The following EFCAB6 variants were observed in gnomAD, a reference collection of about 807,000 sequenced individuals.
EFCAB6 encodes the protein EF-hand calcium-binding domain-containing protein 6.
A neutral mutation model predicts 169.8 loss-of-function variants in EFCAB6; 156 were observed. That is an observed-to-expected ratio of 0.92 (90% CI 0.81 to 1.05). The LOEUF (loss-of-function observed/expected upper bound fraction) is 1.05, where lower values mean the gene tolerates loss of function less well. Ranked by LOEUF, EFCAB6 falls within the 50% of genes least tolerant of loss-of-function variation. The pLI, the probability that EFCAB6 is intolerant of heterozygous loss-of-function variation, is 0.00. For missense variants in EFCAB6, 1,800 were observed against 1,829.1 expected (o/e 0.98, Z 0.29); for synonymous variants, 698 against 676.4 (o/e 1.03, Z -0.50).
rs2047283418 is a variant in EFCAB6 at position 43,534,698 on chromosome 22, G to A, written c.4223C>T (p.Ala1408Val). The change falls in exon 30 of 32, where the codon GCA (alanine) becomes GTA (valine). Residue 1408 changes from alanine (A) to valine (V), a missense_variant. Physicochemically the swap from Ala to Val is moderately conservative, Grantham distance 64 (BLOSUM62 0). Transcript: ENST00000262726. ...AGGTGGGCAACATACCATCTTGTGT[G>A]CATTCTGGATCTTCATCCTGTGCAT... ...SLMHRMKIQNAHKMKEAGAET... is the reference protein window; with the variant it reads ...SLMHRMKIQNVHKMKEAGAET... 2 of 1,605,450 alleles carry A rather than the reference G, an allele frequency of 1.2e-6. No individual in the cohort carries two copies. Among genetic ancestry groups the A allele is most frequent in the Non-Finnish European group, 1.7e-6 (2 of 1,176,830 alleles).
In EFCAB6 at chr22:43,626,744, C is replaced by T; in HGVS notation, c.2233-65G>A. 4.7e-6 allele frequency: 7 copies of T among 1,490,522 alleles called. No individual in the cohort carries two copies. In the South Asian group the frequency reaches 6.8e-5, roughly 15 times the overall value. The allele number at this position is 1,490,522 out of a possible 1,614,324, so 92.3% of individuals were successfully genotyped here. A position where few individuals can be genotyped will look rare whatever the true frequency, so the allele number is the denominator to read the frequency against. On this transcript the variant is annotated intron_variant, in intron 19 of 31. Transcript: ENST00000262726. ...GCCCCGGACGGCCACACATGCACAC[C>T]CCCACGTGTAGAGCCTCATCTCCAC...
chr22:43,698,353 C>A (rs995503414), intron 10 of EFCAB6, among the ~76,000 whole-genome samples: 5 of 152,148 alleles, frequency 3.3e-5, no homozygotes, highest in Admixed American at 2.6e-4. Flanking sequence ...GATTTGTGTA[C>A]ATACACATCC....
chr22:43,633,555 A>G (rs913882892), intron 18 of EFCAB6, among the ~76,000 whole-genome samples: 3 of 152,204 alleles, frequency 2.0e-5, no homozygotes, highest in Admixed American at 2.0e-4. Flanking sequence ...TCAAAAATCA[A>G]AAACAGGAAC....
At position 43,632,212 on chromosome 22, in the gene EFCAB6, T is replaced by C; in HGVS notation, c.2125A>G (p.Thr709Ala). The C allele has an allele frequency of 6.2e-7, 1 of 1,613,276 alleles. No individual in the cohort carries two copies. The highest frequency in any genetic ancestry group is 8.5e-7 in the Non-Finnish European group (1 of 1,179,830). The change falls in exon 19 of 32, where the codon ACT becomes GCT. Residue 709 changes from threonine (T) to alanine (A), a missense_variant. Thr to Ala is a moderately conservative substitution (Grantham distance 58, BLOSUM62 0). Transcript: ENST00000262726. ...GAAGGAGTTGGAGGCTGCGGCGGAG[T>C]GGTTTCCGGCCCTCTCATTGGAGGA... is the stretch of plus-strand genomic sequence containing the variant. ...EDPPMRGPET[T>A]PPQPPTPSKS...
At chr22:43,531,630 A>G (rs1033448852) in intron 30 of EFCAB6, among the ~76,000 whole-genome samples, 3 of 152,224 alleles carry the variant, frequency 2.0e-5, no homozygotes, top group African/African-American at 4.8e-5. Context: ...GAATTTTAAC[A>G]TAACACTATG....
At chr22:43,765,706 T>C (rs376396380) in intron 4 of EFCAB6, among the ~76,000 whole-genome samples, 1 of 152,192 alleles carries the variant, frequency 6.6e-6, no homozygotes, top group South Asian at 2.1e-4. Context: ...CTCTAATATG[T>C]GTTACACATA....
At chr22:43,712,300 C>A (rs2059188808) in intron 9 of EFCAB6, among the ~76,000 whole-genome samples, 1 of 150,318 alleles carries the variant, frequency 6.7e-6, no homozygotes. Context: ...TAACAATATT[C>A]TCCAATATCT....
At chr22:43,778,796 C>T (rs764472908) in intron 3 of EFCAB6, among the ~76,000 whole-genome samples, 3 of 152,176 alleles carry the variant, frequency 2.0e-5, no homozygotes, top group East Asian at 1.9e-4. Context: ...GCTCACCTCG[C>T]TAGAAACCTG....
rs571507101 is a variant in EFCAB6, at chr22:43,568,007, C to T, written c.3420+8290G>A. Among the ~76,000 whole-genome samples, 4 of 152,336 alleles carry T rather than the reference C, an allele frequency of 2.6e-5. No homozygotes were observed. In the East Asian group the frequency reaches 7.7e-4, roughly 29 times the overall value. ...CCCAACTCAGCAACACTGACCAGGG[C>T]CCATGATGTGCCAGGCACACTCACA... On this transcript the variant is annotated intron_variant, in intron 26 of 31. Transcript: ENST00000262726.
At chr22:43,734,929 A>G (rs1055847026) in intron 7 of EFCAB6, among the ~76,000 whole-genome samples, 1 of 152,140 alleles carries the variant, frequency 6.6e-6, no homozygotes, top group Non-Finnish European at 1.5e-5. Context: ...ACCGGGACCC[A>G]TTTTCATAGC....
At chr22:43,626,266 G>A (rs1168077367) in intron 20 of EFCAB6, among the ~76,000 whole-genome samples, 181 bp downstream of exon 20, 1 of 152,134 alleles carries the variant, frequency 6.6e-6, no homozygotes, top group Non-Finnish European at 1.5e-5. Context: ...GACCAGGGCT[G>A]TATTTTCTGG....
intron 8 of EFCAB6, among the ~76,000 whole-genome samples, chr22:43,729,452 C>T (rs1418265279): frequency 6.6e-6 from 1 of 151,976 alleles, no homozygotes; most frequent in Admixed American, 6.6e-5. Context: ...AACCATATCA[C>T]CCTAGAACAA....
chr22:43,667,008 C>T (rs1033823593), intron 17 of EFCAB6, 96 bp downstream of exon 17: 18 of 1,367,756 alleles, frequency 1.3e-5, no homozygotes, highest in African/African-American at 8.7e-5. Context: ...GGATCTGCTG[C>T]GTCCTGGGAT....
chr22:43,607,914 A>G (rs1398978182), intron 22 of EFCAB6, among the ~76,000 whole-genome samples: 1 of 152,222 alleles, frequency 6.6e-6, no homozygotes, highest in Non-Finnish European at 1.5e-5. Flanking sequence ...GCCCAATTCC[A>G]AAACAGCTAA....
At chr22:43,662,089 C>G (rs1397388514) in intron 17 of EFCAB6, among the ~76,000 whole-genome samples, 2 of 151,432 alleles carry the variant, frequency 1.3e-5, no homozygotes, top group South Asian at 4.2e-4. Flanking sequence ...ACCCAGGAGG[C>G]AGAGGTTGCA....
chr22:43,738,942 C>T (rs1314877725), intron 6 of EFCAB6, among the ~76,000 whole-genome samples: 2 of 152,178 alleles, frequency 1.3e-5, no homozygotes, highest in Non-Finnish European at 2.9e-5. Context: ...GGTGGGGCCA[C>T]GTGATGCACA....
At chr22:43,587,302 G>A (rs553623241) in intron 24 of EFCAB6, among the ~76,000 whole-genome samples, 3 of 152,210 alleles carry the variant, frequency 2.0e-5, no homozygotes, top group African/African-American at 7.2e-5. Flanking sequence ...AATGAAAAGG[G>A]GAGGATTAAT....
chr22:43,661,442 A>G (rs2056997838), intron 17 of EFCAB6, among the ~76,000 whole-genome samples: 1 of 152,210 alleles, frequency 6.6e-6, no homozygotes, highest in East Asian at 1.9e-4. Flanking sequence ...GAATTTCAGA[A>G]CATTGTTATG....
intron 2 of EFCAB6, among the ~76,000 whole-genome samples, chr22:43,792,073 G>A (rs1415005245): frequency 1.3e-5 from 2 of 152,182 alleles, no homozygotes; most frequent in Admixed American, 1.3e-4. Flanking sequence ...GGGAGCCTGT[G>A]GCAGCTCCCT....
Sources: gnomAD v4.1 joint callset for allele counts (sites outside exome capture counted in the v4.1 genomes callset) on GRCh38, gnomAD v4.1.1 for gene constraint, MANE v1.5 for transcripts, NCBI Gene and HGNC (gene_info 2026-07-23, HGNC 2026-07-21) for gene names.